The following CCDC3 variants were observed in gnomAD, a reference collection of about 807,000 sequenced individuals.
The protein encoded by CCDC3 is coiled-coil domain-containing protein 3.
A neutral mutation model predicts 21.4 loss-of-function variants in CCDC3; 24 were observed. The observed-to-expected ratio is 1.12, with a 90% CI of 0.81 to 1.58. The LOEUF (loss-of-function observed/expected upper bound fraction) is 1.58, where lower values mean the gene tolerates loss of function less well. Among genes scored for constraint, CCDC3 ranks in the 40% most tolerant of loss-of-function variants. The pLI is 0.00. For missense variants in CCDC3, 425 were observed against 360.9 expected, an observed-to-expected ratio of 1.18 and a Z score of -1.44; for synonymous variants, 186 against 166.0, an observed-to-expected ratio of 1.12 and a Z score of -0.93.
intron 2 of CCDC3, among the ~76,000 whole-genome samples, chr10:12,899,505 CATT>C (rs989752163): frequency 2.0e-5 from 3 of 152,104 alleles, no homozygotes; most frequent in African/African-American, 7.2e-5. Context: ...CATGTGCAAA[CATT>C]ATGGCATTAT....
At chr10:13,022,941 G>A (rs2131406184) in intron 5 of CCDC3, among the ~76,000 whole-genome samples, 1 of 152,232 alleles carries the variant, frequency 6.6e-6, no homozygotes, top group South Asian at 2.1e-4. Flanking sequence ...TATAGCACAA[G>A]TTGACCAGTT....
chr10:12,983,370 C>T (rs1463402228), intron 2 of CCDC3, among the ~76,000 whole-genome samples: 10 of 149,658 alleles, frequency 6.7e-5, no homozygotes, highest in Admixed American at 2.0e-4. Context: ...GTCAGAAGTT[C>T]GAGACCAGCC....
intron 2 of CCDC3, among the ~76,000 whole-genome samples, chr10:12,959,577 A>G (rs967303827): frequency 1.3e-4 from 20 of 152,130 alleles, no homozygotes; most frequent in African/African-American, 4.8e-4. Flanking sequence ...TTGTGTAGTC[A>G]GGGGTCAGGG....
At position 13,084,636 on chromosome 10, in the gene CCDC3, C is replaced by T. The variant is rs1588420357; in HGVS notation, c.-502-10536G>A. ...GCTTTTGCTTTGCACTGTGGACTCA[C>T]CCTGAATTCTTTCTTGCACGAGATC... is the stretch of plus-strand genomic sequence containing the variant. On this transcript the variant is annotated intron_variant, in intron 3 of 6. Transcript: ENST00000378839. 2.0e-5 allele frequency among the ~76,000 whole-genome samples: 3 copies of T among 152,168 alleles called. No homozygotes were observed. The South Asian group carries it at 6.2e-4, about 32-fold the overall frequency.
chr10:12,949,727 A>C (rs1287171444), intron 2 of CCDC3, among the ~76,000 whole-genome samples: 1 of 152,226 alleles, frequency 6.6e-6, no homozygotes, highest in Non-Finnish European at 1.5e-5. Context: ...AGGAGATCCT[A>C]TCAGATCCTG....
At chr10:13,026,225 A>G (rs521425) in intron 5 of CCDC3, among the ~76,000 whole-genome samples, 128,767 of 152,140 alleles carry the variant, frequency 0.85, 55,117 homozygotes, top group Non-Finnish European at 0.91. Flanking sequence ...AAACTTCACT[A>G]TTTAAGAAGA....
chr10:12,970,304 T>C (rs917805589), intron 2 of CCDC3, among the ~76,000 whole-genome samples: 16 of 152,178 alleles, frequency 1.1e-4, no homozygotes, highest in African/African-American at 3.9e-4. Flanking sequence ...CAATATACAA[T>C]AGTTCAACTT....
In CCDC3 at chr10:13,009,038, C is replaced by G. The variant is rs144522793; in HGVS notation, c.-1-10526G>C. Reference sequence around the variant, plus strand: ...ATCTGTCTAGAAAATGCAAATGAATCTACAAAAAAGCTACTAGAATTCATA... The same window carrying G: ...ATCTGTCTAGAAAATGCAAATGAATGTACAAAAAAGCTACTAGAATTCATA... On this transcript the variant is annotated intron_variant, in intron 5 of 6. Coordinates refer to the CCDC3 transcript ENST00000378839. 3.4e-4 allele frequency among the ~76,000 whole-genome samples: 51 copies of G among 152,214 alleles called. 2 individuals are homozygous for G. In the East Asian group the frequency reaches 4.8e-3, roughly 14 times the overall value.
chr10:12,947,199 G>A (rs1159521549), intron 2 of CCDC3, among the ~76,000 whole-genome samples: 2 of 151,734 alleles, frequency 1.3e-5, no homozygotes, highest in Admixed American at 6.6e-5. Context: ...CCAGGCTGGA[G>A]TGCAGTGGCA....
chr10:12,915,512 T>C (rs947223182), intron 2 of CCDC3, among the ~76,000 whole-genome samples: 3 of 152,238 alleles, frequency 2.0e-5, no homozygotes, highest in Non-Finnish European at 4.4e-5. Flanking sequence ...ACTGGTGCTT[T>C]ATTTTGTTCC....
At chr10:13,048,244 T>A (rs6602627) in intron 5 of CCDC3, among the ~76,000 whole-genome samples, 1 of 151,902 alleles carries the variant, frequency 6.6e-6, no homozygotes, top group Non-Finnish European at 1.5e-5. Flanking sequence ...CAGACTGGAG[T>A]GCAGTGGCGC....
intron 2 of CCDC3, among the ~76,000 whole-genome samples, chr10:12,926,077 C>T (rs550658083): frequency 3.1e-4 from 47 of 152,272 alleles, no homozygotes; most frequent in African/African-American, 1.1e-3. Flanking sequence ...CTGGCAGGAG[C>T]GCAGGACAGT....
At chr10:12,999,033 AGTT>A (rs1835807014) in intron 1 of CCDC3, among the ~76,000 whole-genome samples, 1 of 152,208 alleles carries the variant, frequency 6.6e-6, no homozygotes, top group Non-Finnish European at 1.5e-5. Flanking sequence ...TAAGGTCAGG[AGTT>A]CGAGACCAGC....
chr10:13,080,106 A>G (rs555977241), intron 3 of CCDC3, among the ~76,000 whole-genome samples: 2 of 152,310 alleles, frequency 1.3e-5, no homozygotes, highest in South Asian at 4.1e-4. Context: ...CTCTGGGCCG[A>G]TGGCAGCCCT....
chr10:12,970,507 T>C (rs2131264128), intron 2 of CCDC3, among the ~76,000 whole-genome samples: 1 of 152,344 alleles, frequency 6.6e-6, no homozygotes, highest in East Asian at 1.9e-4. Context: ...GATGTAGCCA[T>C]TCTACAACGT....
rs375103432 is a variant in CCDC3, at chr10:13,065,956, G to T, written c.-270+7912C>A. Among the ~76,000 whole-genome samples, 24 of 152,314 alleles carry T rather than the reference G, an allele frequency of 1.6e-4. 1 individual carries two copies. The highest frequency in any genetic ancestry group is 5.8e-4 in the African/African-American group (24 of 41,570). On this transcript the variant is annotated intron_variant, in intron 4 of 6. Coordinates refer to the CCDC3 transcript ENST00000378839. ...CAGGAAAGAATGAGTGAACGAATGA[G>T]TGGGAAGTGAGTTGGAAGACCTCTG...
intron 2 of CCDC3, among the ~76,000 whole-genome samples, chr10:12,982,887 C>A (rs193052522): frequency 3.0e-4 from 44 of 148,062 alleles, no homozygotes; most frequent in African/African-American, 1.1e-3. Flanking sequence ...CCGAGGTGGG[C>A]AGATCACTTG....
chr10:12,999,965 C>G (rs1835821452), intron 1 of CCDC3, among the ~76,000 whole-genome samples: 1 of 152,200 alleles, frequency 6.6e-6, no homozygotes, highest in African/African-American at 2.4e-5. Flanking sequence ...CTAGCTGAAC[C>G]ACTCAAGCCA....
In CCDC3 at chr10:12,919,988, G is replaced by A. The variant is rs547845672; in HGVS notation, c.550-21309C>T. Among the ~76,000 whole-genome samples the A allele has an allele frequency of 9.3e-4, 141 of 152,250 alleles. 1 individual carries two copies. The highest frequency in any genetic ancestry group is 3.4e-3 in the Middle Eastern group (1 of 294). ...GTCACAAATTCCATCTAGTGGGCCC[G>A]GAAGGGTTCTCAGCAGAAGGTTGTG... On this transcript the variant is annotated intron_variant, in intron 2 of 2. Transcript: ENST00000378825.
Sources: allele counts gnomAD v4.1 joint callset (sites outside exome capture counted in the v4.1 genomes callset), GRCh38; gene constraint gnomAD v4.1.1; transcripts MANE v1.5; gene names NCBI Gene and HGNC (gene_info 2026-07-23, HGNC 2026-07-21).